The following ARL15 variants were observed in gnomAD, a reference collection of about 807,000 sequenced individuals.
ARL15 encodes the protein ARF like GTPase 15.
Under a neutral mutation model 25.2 loss-of-function variants are expected in ARL15, and 19 were observed. That is an observed-to-expected ratio of 0.75 (90% confidence interval 0.53 to 1.10). The LOEUF is 1.10. Among genes scored for constraint, ARL15 ranks in the 50% least tolerant of loss-of-function variants. ARL15 has a pLI of 0.00. For synonymous variants in ARL15, 94 were observed against 86.8 expected (o/e 1.08, Z -0.46); for missense variants, 220 against 246.0 (o/e 0.89, Z 0.71).
chr5:54,028,342 T>C (rs1321709164), intron 4 of ARL15, among the ~76,000 whole-genome samples: 6 of 152,102 alleles, frequency 3.9e-5, no homozygotes, highest in Non-Finnish European at 5.9e-5. Context: ...GCCATATGTG[T>C]TATAATTTTA....
intron 1 of ARL15, among the ~76,000 whole-genome samples, chr5:54,212,704 A>T (rs1756077986): frequency 6.6e-6 from 1 of 152,236 alleles, no homozygotes; most frequent in Admixed American, 6.5e-5. Context: ...TGCTCAAAGA[A>T]AATATGCTTT....
At chr5:54,162,853 C>G (rs1165052756) in intron 2 of ARL15, among the ~76,000 whole-genome samples, 1 of 152,158 alleles carries the variant, frequency 6.6e-6, no homozygotes, top group Non-Finnish European at 1.5e-5. Context: ...TCAGCAAGTA[C>G]GTTTTTATTT....
At chr5:53,995,232 C>T (rs550651947) in intron 4 of ARL15, among the ~76,000 whole-genome samples, 1 of 140,954 alleles carries the variant, frequency 7.1e-6, no homozygotes, top group South Asian at 2.3e-4. Flanking sequence ...TGCTTGAACC[C>T]GGGAAGTGGA....
chr5:53,942,942 G>C (rs140264968), intron 4 of ARL15, among the ~76,000 whole-genome samples: 102 of 152,276 alleles, frequency 6.7e-4, no homozygotes, highest in Middle Eastern at 3.4e-3. Context: ...TGTGGATTGC[G>C]TAGTAGTTGA....
intron 1 of ARL15, among the ~76,000 whole-genome samples, chr5:54,192,176 G>A (rs1755423042): frequency 6.6e-6 from 1 of 151,550 alleles, no homozygotes; most frequent in South Asian, 2.1e-4. Flanking sequence ...TATGTTGTTT[G>A]GGTCTTTGCT....
intron 4 of ARL15, among the ~76,000 whole-genome samples, chr5:54,079,015 G>A (rs1751703789): frequency 6.6e-6 from 1 of 152,040 alleles, no homozygotes; most frequent in Non-Finnish European, 1.5e-5. Flanking sequence ...TAAAACATCA[G>A]ATTTAATTTA....
chr5:54,042,146 T>C lies in ARL15; in HGVS notation c.462+71056A>G, dbSNP rs10043716. 8.5e-3 allele frequency among the ~76,000 whole-genome samples: 1,294 copies of C among 152,154 alleles called. 25 individuals are homozygous for C. The highest frequency in any genetic ancestry group is 0.03 in the African/African-American group (1,236 of 41,510). ...CCACCACGCCTGGCTAATTTTTGTG[T>C]TTTTAGCAGAGATGGAGTTTCGCCA... is the stretch of plus-strand genomic sequence containing the variant. On this transcript the variant is annotated intron_variant, in intron 4 of 4. Transcript: ENST00000504924.
At chr5:54,081,892 G>A (rs905968259) in intron 4 of ARL15, among the ~76,000 whole-genome samples, 3 of 152,020 alleles carry the variant, frequency 2.0e-5, no homozygotes, top group African/African-American at 4.8e-5. Context: ...AGGAGTTTGA[G>A]ACCAGTCTGG....
chr5:53,970,735 G>A (rs1169806399), intron 4 of ARL15, among the ~76,000 whole-genome samples: 1 of 152,146 alleles, frequency 6.6e-6, no homozygotes, highest in African/African-American at 2.4e-5. Context: ...CCCACCTTGG[G>A]CAGTTTACTG....
chr5:54,095,235 T>A (rs943822656), intron 4 of ARL15, among the ~76,000 whole-genome samples: 10 of 152,198 alleles, frequency 6.6e-5, no homozygotes, highest in African/African-American at 2.4e-4. Context: ...AAGGAACTAC[T>A]ATCTAATGAC....
At chr5:54,197,913 C>T (rs1209119942) in intron 1 of ARL15, among the ~76,000 whole-genome samples, 3 of 152,036 alleles carry the variant, frequency 2.0e-5, no homozygotes, top group Middle Eastern at 3.4e-3. Flanking sequence ...ACTGGCAAAC[C>T]GAATCCAGCA....
rs72756270 is a variant in ARL15, at chr5:54,278,730, A to C, written c.48+31702T>G. Among the ~76,000 whole-genome samples the C allele has an allele frequency of 9.7e-3, 1,474 of 152,286 alleles. 9 individuals are homozygous for C. Among genetic ancestry groups the C allele is most frequent in the Middle Eastern group, 0.02 (6 of 294 alleles). On this transcript the variant is annotated intron_variant, in intron 1 of 4. Transcript: ENST00000504924. ...CTACCTATACCTTAAGTTTCCTGCC[A>C]CATCTTCCTGAGTTAAGGCCCTTTA...
intron 4 of ARL15, among the ~76,000 whole-genome samples, chr5:54,099,865 A>G (rs987420630): frequency 9.2e-5 from 14 of 152,168 alleles, no homozygotes; most frequent in African/African-American, 3.4e-4. Flanking sequence ...GTTTTTGCCC[A>G]ATATAATTTA....
At chr5:54,207,727 G>C (rs545228929) in intron 1 of ARL15, among the ~76,000 whole-genome samples, 5 of 152,182 alleles carry the variant, frequency 3.3e-5, no homozygotes, top group Non-Finnish European at 7.4e-5. Flanking sequence ...AAGACAGTTT[G>C]TTCCCTGGGA....
intron 1 of ARL15, among the ~76,000 whole-genome samples, chr5:54,252,586 T>A (rs1039474771): frequency 1.3e-5 from 2 of 151,920 alleles, no homozygotes; most frequent in African/African-American, 4.8e-5. Flanking sequence ...TCAGGATTGG[T>A]CAAAGTGATG....
chr5:54,115,184 T>C (rs545776064), intron 3 of ARL15, among the ~76,000 whole-genome samples: 1 of 152,320 alleles, frequency 6.6e-6, no homozygotes, highest in African/African-American at 2.4e-5. Context: ...GAGCAGCTTA[T>C]ATTTTCTGGG....
chr5:54,158,291 C>T (rs1754300111), intron 2 of ARL15, among the ~76,000 whole-genome samples: 1 of 152,214 alleles, frequency 6.6e-6, no homozygotes, highest in Non-Finnish European at 1.5e-5. Flanking sequence ...GTTAGGGAAG[C>T]ATTCTCTGGT....
intron 4 of ARL15, among the ~76,000 whole-genome samples, chr5:53,945,492 C>T (rs1746696368): frequency 1.3e-5 from 2 of 152,128 alleles, no homozygotes; most frequent in Admixed American, 1.3e-4. Context: ...CTTTGCTCCA[C>T]TTTCTCAAAC....
chr5:53,947,866 A>G (rs1371006439), intron 4 of ARL15, among the ~76,000 whole-genome samples: 1 of 152,140 alleles, frequency 6.6e-6, no homozygotes, highest in Non-Finnish European at 1.5e-5. Context: ...AAAATGAAAG[A>G]AAGGGGGAGG....
Sources: allele counts gnomAD v4.1 joint callset (sites outside exome capture counted in the v4.1 genomes callset), GRCh38; gene constraint gnomAD v4.1.1; transcripts MANE v1.5; gene names NCBI Gene and HGNC (gene_info 2026-07-23, HGNC 2026-07-21).